The following GALNT18 variants were observed in gnomAD, a reference collection of about 807,000 sequenced individuals.
GALNT18 encodes the protein polypeptide N-acetylgalactosaminyltransferase 18, also known as GalNAc-transferase 18.
GALNT18 carries 44 observed loss-of-function variants against 69.5 expected under a neutral mutation model. The ratio of observed to expected loss-of-function variants is 0.63; its 90% CI spans 0.50 to 0.81. The LOEUF is 0.81. Ranked by LOEUF, GALNT18 falls within the 40% of genes least tolerant of loss-of-function variation. GALNT18 has a pLI of 0.00. For synonymous variants in GALNT18, 364 were observed against 318.2 expected, an observed-to-expected ratio of 1.14 and a Z score of -1.53; for missense variants, 715 against 810.0, an observed-to-expected ratio of 0.88 and a Z score of 1.42.
At chr11:11,386,330 C>A (rs879666073) in intron 3 of GALNT18, among the ~76,000 whole-genome samples, 2 of 152,144 alleles carry the variant, frequency 1.3e-5, no homozygotes, top group Non-Finnish European at 2.9e-5. Flanking sequence ...TGTCTCCCAT[C>A]CCCACTCCCT....
rs573557563 is a variant in GALNT18 at position 11,302,420 on chromosome 11, T to C, written c.1513-9227A>G. Among the ~76,000 whole-genome samples, 8 of 152,252 alleles carry C rather than the reference T, an allele frequency of 5.3e-5. No homozygotes were observed. The South Asian group carries it at 1.5e-3, about 28-fold the overall frequency. On this transcript the variant is annotated intron_variant, in intron 9 of 10. Transcript: ENST00000227756. ...TCCTGATCTAGGCCTTAGCCCCTCATCCAGATTCTTCTGCCACTGCTCCTC... is the reference window on the plus strand; with the variant it reads ...TCCTGATCTAGGCCTTAGCCCCTCACCCAGATTCTTCTGCCACTGCTCCTC...
chr11:11,391,790 G>T (rs1342829331), intron 3 of GALNT18, among the ~76,000 whole-genome samples: 1 of 152,242 alleles, frequency 6.6e-6, no homozygotes. Flanking sequence ...GCAAGGCACA[G>T]CAACCTTCCA....
rs538851031 is a variant in GALNT18 at position 11,305,772 on chromosome 11, T to G, written c.1513-12579A>C. ...CACCCCCTTTAGATCCCAAGTTCCC[T>G]GAGGGCAGACACCATGTTTGTCTTA... On this transcript the variant is annotated intron_variant, in intron 9 of 10. Coordinates refer to ENST00000227756, the MANE Select transcript of GALNT18 (RefSeq NM_198516.3). Among the ~76,000 whole-genome samples, 5 of 152,360 alleles carry G rather than the reference T, an allele frequency of 3.3e-5. No individual in the cohort carries two copies. In the South Asian group the frequency reaches 1.0e-3, roughly 32 times the overall value.
In GALNT18 at chr11:11,396,911, TC is replaced by T. The variant is rs1234319232; in HGVS notation, c.596-17648del. Among the ~76,000 whole-genome samples, 2 of 152,008 alleles carry T rather than the reference TC, an allele frequency of 1.3e-5. No individual in the cohort carries two copies. Among genetic ancestry groups the T allele is most frequent in the African/African-American group, 2.4e-5 (1 of 41,374 alleles). ...AACTTGCTGAGCTAACAACTTCCTC[TC>T]CCAGTGGCTGGAGAGAATGATGCCA... On this transcript the variant is annotated intron_variant, in intron 3 of 10. Coordinates refer to ENST00000227756, the MANE Select transcript of GALNT18 (RefSeq NM_198516.3). This position sits in a 1 kb window ranked among gnomAD's most constrained non-coding sequence, Gnocchi z 5.2.
In GALNT18 at chr11:11,497,707, C is replaced by T. The variant is rs1327199588; in HGVS notation, c.236-48771G>A. The stretch of plus-strand genomic sequence containing the variant: ...AGCAAAAAGTTTAAAGCAGGAATCA[C>T]TGAAATTGTGCAGATAAATGTGTAT... On this transcript the variant is annotated intron_variant, in intron 1 of 10. Coordinates refer to ENST00000227756, the MANE Select transcript of GALNT18 (RefSeq NM_198516.3). This position sits in a 1 kb window ranked among gnomAD's most constrained non-coding sequence, Gnocchi z 4.2. Among the ~76,000 whole-genome samples the T allele has an allele frequency of 1.3e-5, 2 of 151,138 alleles. No homozygotes were observed. The highest frequency in any genetic ancestry group is 4.9e-5 in the African/African-American group (2 of 41,076).
intron 6 of GALNT18, among the ~76,000 whole-genome samples, chr11:11,346,725 G>C (rs1850310410): frequency 6.6e-6 from 1 of 152,128 alleles, no homozygotes; most frequent in South Asian, 2.1e-4. Flanking sequence ...GTGGATTGTA[G>C]AGAACAGTTA....
At chr11:11,275,572 A>G (rs1434710569) in intron 10 of GALNT18, among the ~76,000 whole-genome samples, 4 of 152,146 alleles carry the variant, frequency 2.6e-5, no homozygotes, top group Non-Finnish European at 4.4e-5. Context: ...TTTTGCTGCC[A>G]TTGCTTTGTG....
chr11:11,545,710 G>C (rs563219188), intron 1 of GALNT18, among the ~76,000 whole-genome samples: 22 of 152,310 alleles, frequency 1.4e-4, no homozygotes, highest in African/African-American at 5.1e-4. Flanking sequence ...CATGTGTAAA[G>C]GTCAGTCCTT....
At chr11:11,451,093 C>T (rs1227961112) in intron 1 of GALNT18, among the ~76,000 whole-genome samples, 1 of 152,158 alleles carries the variant, frequency 6.6e-6, no homozygotes, top group Non-Finnish European at 1.5e-5. Context: ...GCAAACTATG[C>T]AAACTCTTCT....
intron 6 of GALNT18, among the ~76,000 whole-genome samples, chr11:11,370,345 T>G (rs953209339): frequency 6.6e-6 from 1 of 152,154 alleles, no homozygotes; most frequent in African/African-American, 2.4e-5. Context: ...ATTGAAAAGT[T>G]AACTCATCAA....
intron 6 of GALNT18, among the ~76,000 whole-genome samples, chr11:11,365,151 C>G (rs1231965511): frequency 6.6e-6 from 1 of 152,098 alleles, no homozygotes; most frequent in East Asian, 1.9e-4. Context: ...TCCCTCAACC[C>G]CCAACCCCCT....
At position 11,604,416 on chromosome 11, in the gene GALNT18, C is replaced by T. The variant is rs1859699190; in HGVS notation, c.235+16943G>A. ...TATTCAGGTAGCCCATTCCTGATCC[C>T]ACACTGCTGGAGAGTGGGGAAGGAC... is the stretch of plus-strand genomic sequence containing the variant. On this transcript the variant is annotated intron_variant, in intron 1 of 10. Coordinates refer to ENST00000227756, the MANE Select transcript of GALNT18 (RefSeq NM_198516.3). This position sits in a 1 kb window ranked among gnomAD's most constrained non-coding sequence, Gnocchi z 5.6. Among the ~76,000 whole-genome samples, 1 of 152,110 alleles carries T rather than the reference C, an allele frequency of 6.6e-6. No homozygotes were observed. Among genetic ancestry groups the T allele is most frequent in the Admixed American group, 6.5e-5 (1 of 15,268 alleles).
rs889059362 is a variant in GALNT18 at position 11,332,644 on chromosome 11, T to A, written c.1416+50A>T. ...CCCTCCTCTCCCTTTCTTCACTATG[T>A]TTCTTTCTGTCTGTGTCTGAATGAA... On this transcript the variant is annotated intron_variant, in intron 8 of 10. Transcript: ENST00000227756. The surrounding 1 kb of genome is among the most constrained non-coding windows in gnomAD (Gnocchi z 4.3). 1.9e-6 allele frequency: 3 copies of A among 1,597,456 alleles called. No individual in the cohort carries two copies. The highest frequency in any genetic ancestry group is 2.6e-6 in the Non-Finnish European group (3 of 1,165,640).
chr11:11,375,922 T>G (rs1257925954), intron 5 of GALNT18, among the ~76,000 whole-genome samples: 1 of 152,192 alleles, frequency 6.6e-6, no homozygotes, highest in Admixed American at 6.5e-5. Flanking sequence ...TCCCTGACTT[T>G]CAATTAAATT....
At chr11:11,468,752 C>G (rs961291537) in intron 1 of GALNT18, among the ~76,000 whole-genome samples, 2 of 152,182 alleles carry the variant, frequency 1.3e-5, no homozygotes, top group Non-Finnish European at 1.5e-5. Flanking sequence ...TGGTCTACCA[C>G]TCCACTTCAA....
chr11:11,377,152 G>C lies in GALNT18; in HGVS notation c.977+30C>G, dbSNP rs945574778. Reference sequence around the variant, plus strand: ...GGTCCCTAGCCTGGAGGTCAAAGCGGAGAGACCCACAGGTAAAGGTTTGCT... The same window carrying C: ...GGTCCCTAGCCTGGAGGTCAAAGCGCAGAGACCCACAGGTAAAGGTTTGCT... On this transcript the variant is annotated intron_variant, in intron 5 of 10. Transcript: ENST00000227756. This position sits in a 1 kb window ranked among gnomAD's most constrained non-coding sequence, Gnocchi z 4.6. 9 of 1,603,380 alleles carry C rather than the reference G, an allele frequency of 5.6e-6. No individual in the cohort carries two copies. Among genetic ancestry groups the C allele is most frequent in the African/African-American group, 1.3e-5 (1 of 74,668 alleles).
At chr11:11,408,795 TC>T (rs2133752431) in intron 3 of GALNT18, among the ~76,000 whole-genome samples, 1 of 152,198 alleles carries the variant, frequency 6.6e-6, no homozygotes, top group South Asian at 2.1e-4. Context: ...GACCATAAGT[TC>T]CTTGAAGACA....
At chr11:11,284,262 C>G (rs1258383356) in intron 10 of GALNT18, among the ~76,000 whole-genome samples, 1 of 152,204 alleles carries the variant, frequency 6.6e-6, no homozygotes, top group Non-Finnish European at 1.5e-5. Flanking sequence ...CCAAGTGTGT[C>G]TGTGGTGCCT....
rs1397527636 is a variant in GALNT18 at position 11,444,466 on chromosome 11, G to A, written c.428+4278C>T. Among the ~76,000 whole-genome samples, 2 of 152,168 alleles carry A rather than the reference G, an allele frequency of 1.3e-5. No individual in the cohort carries two copies. The highest frequency in any genetic ancestry group is 4.8e-5 in the African/African-American group (2 of 41,440). ...GAGATATCCGTCCGACGCTTTGTTG[G>A]GTGCCGGGCACATCATGAGTGCTCA... On this transcript the variant is annotated intron_variant, in intron 2 of 10. Transcript: ENST00000227756. The surrounding 1 kb of genome is among the most constrained non-coding windows in gnomAD (Gnocchi z 4.4).
Sources: allele counts gnomAD v4.1 joint callset (sites outside exome capture counted in the v4.1 genomes callset), GRCh38; gene constraint gnomAD v4.1.1; non-coding constraint Gnocchi (gnomAD v3.1); transcripts MANE v1.5; gene names NCBI Gene and HGNC (gene_info 2026-07-23, HGNC 2026-07-21).